Variants in RPS6KC1 observed in about 807,000 individuals in gnomAD.
The protein encoded by RPS6KC1 is ribosomal protein S6 kinase C1, also known as inactive ribosomal protein S6 kinase delta-1.
A neutral mutation model predicts 103.8 loss-of-function variants in RPS6KC1; 54 were observed. The observed-to-expected ratio is 0.52, with a 90% CI of 0.42 to 0.65. RPS6KC1 has a LOEUF of 0.65. RPS6KC1 is among the 30% of genes least tolerant of loss of function. RPS6KC1 has a pLI of 0.00. For missense variants in RPS6KC1, 1,151 were observed against 1,253.8 expected, an observed-to-expected ratio of 0.92 and a Z score of 1.24; for synonymous variants, 439 against 438.7, an observed-to-expected ratio of 1.00 and a Z score of -0.01.
At chr1:213,484,885 C>T in the RPS6KC1 span, among the ~76,000 whole-genome samples, 1 of 152,118 alleles carries the variant, frequency 6.6e-6, no homozygotes, top group Non-Finnish European at 1.5e-5. Context: ...TGTTTTGAGA[C>T]AGGATCTTAT....
chr1:213,814,575 C>A, the RPS6KC1 span, among the ~76,000 whole-genome samples: 3 of 152,192 alleles, frequency 2.0e-5, no homozygotes, highest in Admixed American at 6.5e-5. Context: ...AATGCCAGTT[C>A]TTCCACTCAC....
chr1:213,081,349 C>T (rs529717302), intron 3 of RPS6KC1, among the ~76,000 whole-genome samples: 42 of 152,184 alleles, frequency 2.8e-4, no homozygotes, highest in Admixed American at 1.4e-3. Flanking sequence ...GAGAAGGAAA[C>T]GAGAGAGAGG....
intron 1 of RPS6KC1, among the ~76,000 whole-genome samples, chr1:213,066,188 A>G (rs767632968): frequency 6.6e-6 from 1 of 152,250 alleles, no homozygotes; most frequent in Non-Finnish European, 1.5e-5. Context: ...AAAGGAGGCT[A>G]AAAAACAAGA....
chr1:213,148,165 C>T (rs1184336860), intron 6 of RPS6KC1, among the ~76,000 whole-genome samples: 4 of 152,126 alleles, frequency 2.6e-5, no homozygotes, highest in Non-Finnish European at 4.4e-5. Context: ...TCTTCCTTTC[C>T]AGTTTAGATG....
the RPS6KC1 span, among the ~76,000 whole-genome samples, chr1:213,473,031 T>G: frequency 2.0e-5 from 3 of 152,220 alleles, no homozygotes; most frequent in African/African-American, 7.2e-5. Context: ...CTTTGGGAGA[T>G]GTCTTCAGAG....
chr1:213,813,631 C>T, the RPS6KC1 span, among the ~76,000 whole-genome samples: 1 of 152,190 alleles, frequency 6.6e-6, no homozygotes, highest in South Asian at 2.1e-4. Flanking sequence ...TTTCTCACTG[C>T]TACTAACACT....
chr1:213,427,008 C>A, the RPS6KC1 span, among the ~76,000 whole-genome samples: 1 of 152,168 alleles, frequency 6.6e-6, no homozygotes, highest in Non-Finnish European at 1.5e-5. Context: ...CAAGTAAGAG[C>A]CCAAGTCTCA....
chr1:213,115,135 C>T (rs2083446618), intron 4 of RPS6KC1, among the ~76,000 whole-genome samples: 1 of 152,190 alleles, frequency 6.6e-6, no homozygotes, highest in African/African-American at 2.4e-5. Context: ...ATAGTACCAG[C>T]TCATCTTTGT....
the RPS6KC1 span, among the ~76,000 whole-genome samples, chr1:213,598,065 A>G: frequency 6.6e-6 from 1 of 152,210 alleles, no homozygotes; most frequent in Non-Finnish European, 1.5e-5. Flanking sequence ...ATTGCAAGTA[A>G]TGTAAATACA....
the RPS6KC1 span, among the ~76,000 whole-genome samples, chr1:213,854,512 C>A: frequency 1.6e-5 from 1 of 64,170 alleles, no homozygotes; most frequent in Admixed American, 1.6e-4. Context: ...CTTTCTTTCT[C>A]TTTCTTTCTT....
chr1:213,153,209 G>T (rs2089445065), intron 6 of RPS6KC1, among the ~76,000 whole-genome samples: 1 of 151,780 alleles, frequency 6.6e-6, no homozygotes, highest in Non-Finnish European at 1.5e-5. Context: ...AGCATGAGAG[G>T]GAGACCGTGG....
chr1:213,313,156 A>G, the RPS6KC1 span, among the ~76,000 whole-genome samples: 1 of 152,160 alleles, frequency 6.6e-6, no homozygotes, highest in African/African-American at 2.4e-5. Flanking sequence ...CAGAAACCCA[A>G]AGCTCACGAA....
At chr1:213,662,343 C>T in the RPS6KC1 span, among the ~76,000 whole-genome samples, 1 of 151,896 alleles carries the variant, frequency 6.6e-6, no homozygotes, top group Admixed American at 6.6e-5. Flanking sequence ...TCTCCTGCAA[C>T]CTCTGCCTCC....
chr1:213,361,183 C>T, the RPS6KC1 span, among the ~76,000 whole-genome samples: 2 of 152,234 alleles, frequency 1.3e-5, no homozygotes, highest in Non-Finnish European at 1.5e-5. Context: ...AGGCAGGCCT[C>T]CTTGAGCTGC....
At chr1:213,717,736 C>G in the RPS6KC1 span, among the ~76,000 whole-genome samples, 1 of 152,186 alleles carries the variant, frequency 6.6e-6, no homozygotes, top group African/African-American at 2.4e-5. Context: ...GCATGGCTAA[C>G]AGCAAGCACT....
At chr1:213,413,813 C>A in the RPS6KC1 span, among the ~76,000 whole-genome samples, 1 of 152,126 alleles carries the variant, frequency 6.6e-6, no homozygotes, top group Non-Finnish European at 1.5e-5. Flanking sequence ...AGACCAGGAA[C>A]CCAGAATCAC....
At chr1:213,737,660 G>A in the RPS6KC1 span, among the ~76,000 whole-genome samples, 1 of 152,172 alleles carries the variant, frequency 6.6e-6, no homozygotes, top group Non-Finnish European at 1.5e-5. Flanking sequence ...AGGTTAATGT[G>A]GACAAGCAGA....
At chr1:213,377,050 A>G in the RPS6KC1 span, among the ~76,000 whole-genome samples, 93 of 152,300 alleles carry the variant, frequency 6.1e-4, no homozygotes, top group Non-Finnish European at 1.1e-3. Flanking sequence ...TCCTCTGGGA[A>G]GGTAAGTCTG....
intron 3 of RPS6KC1, among the ~76,000 whole-genome samples, chr1:213,096,981 C>G (rs1202450447): frequency 6.6e-6 from 1 of 152,164 alleles, no homozygotes; most frequent in Non-Finnish European, 1.5e-5. Context: ...GTTGTGTTAG[C>G]TGGCATGAAA....
Sources: allele counts gnomAD v4.1 joint callset (sites outside exome capture counted in the v4.1 genomes callset), GRCh38; gene constraint gnomAD v4.1.1; transcripts MANE v1.5; gene names NCBI Gene and HGNC (gene_info 2026-07-23, HGNC 2026-07-21).